Variants in NUP62 observed in about 807,000 individuals in gnomAD.
NUP62 encodes the protein nucleoporin 62, also known as nuclear pore glycoprotein p62.
For synonymous variants in NUP62, 305 were observed against 303.4 expected (o/e 1.01, Z -0.05); for missense variants, 647 against 689.4 (o/e 0.94, Z 0.69).
At chr19:49,911,012 T>C (rs1204580440) in intron 2 of NUP62, 1 of 152,212 alleles carries the variant, frequency 6.6e-6, no homozygotes, top group Non-Finnish European at 1.5e-5. Context: ...CAAGTGATCC[T>C]CCCACCTCAG....
At chr19:49,912,282 G>A (rs942803467) in intron 2 of NUP62, among the ~76,000 whole-genome samples, 4 of 149,482 alleles carry the variant, frequency 2.7e-5, no homozygotes, top group African/African-American at 9.9e-5. Context: ...CGATTCTCTC[G>A]CCTCAGCTTC....
At position 49,909,167 on chromosome 19, in the gene NUP62, A is replaced by G. The variant is rs562746496; in HGVS notation, c.641T>C (p.Ile214Thr). ...QPAAPTPTAT[I>T]TSTGPSLFAS... Reference sequence around the variant, plus strand: ...AAAGAGGCTGGGCCCAGTGCTGGTGATGGTGGCTGTGGGTGTGGGAGCAGC... The same window carrying G: ...AAAGAGGCTGGGCCCAGTGCTGGTGGTGGTGGCTGTGGGTGTGGGAGCAGC... Residue 214 changes from isoleucine to threonine, a missense_variant, in exon 3 of 3, where the codon ATC (isoleucine) becomes ACC (threonine). By Grantham distance (89) the Ile-to-Thr change is moderately conservative. Coordinates refer to ENST00000352066, the MANE Select transcript of NUP62 (RefSeq NM_016553.5). 19 of 1,613,514 alleles carry G rather than the reference A, an allele frequency of 1.2e-5. No individual in the cohort carries two copies. In the African/African-American group the frequency reaches 2.1e-4, roughly 18 times the overall value.
chr19:49,927,140 C>G (rs981891692), intron 2 of NUP62, among the ~76,000 whole-genome samples: 2 of 152,164 alleles, frequency 1.3e-5, no homozygotes, highest in Non-Finnish European at 2.9e-5. Context: ...GGACTACAGG[C>G]ATGAGCCACC....
Position 49,909,729 on chromosome 19 carries a change from T to C in NUP62, c.79A>G (p.Thr27Ala), listed in dbSNP as rs1005280127. 1 of 1,613,880 alleles carries C rather than the reference T, an allele frequency of 6.2e-7. No homozygotes were observed. Among genetic ancestry groups the C allele is most frequent in the Non-Finnish European group, 8.5e-7 (1 of 1,179,998 alleles). ...TFGTAKTATT[T>A]PATGFSFSTS... The stretch of plus-strand genomic sequence containing the variant: ...GAGAAAGAAAACCCTGTAGCAGGTG[T>C]GGTTGTTGCCGTCTTTGCAGTGCCA... The change falls in exon 3 of 3, where the codon ACA (threonine) becomes GCA (alanine). Residue 27 changes from threonine (T) to alanine (A), a missense_variant. By Grantham distance (58) the Thr-to-Ala change is moderately conservative. Coordinates refer to ENST00000352066, the MANE Select transcript of NUP62 (RefSeq NM_016553.5).
At chr19:49,915,462 C>A (rs1468240588) in intron 2 of NUP62, among the ~76,000 whole-genome samples, 2 of 152,188 alleles carry the variant, frequency 1.3e-5, no homozygotes, top group African/African-American at 4.8e-5. Context: ...CATAGCCTCT[C>A]CCCTAGAGTT....
At chr19:49,913,630 G>C (rs1021320413) in intron 2 of NUP62, among the ~76,000 whole-genome samples, 2 of 152,226 alleles carry the variant, frequency 1.3e-5, no homozygotes, top group Non-Finnish European at 2.9e-5. Context: ...CTGGAAGCTC[G>C]TGCCTGGTCT....
rs775526160 is a variant in NUP62 at position 49,908,573 on chromosome 19, T to C, written c.1235A>G (p.Glu412Gly). 11 of 1,614,056 alleles carry C rather than the reference T, an allele frequency of 6.8e-6. No individual in the cohort carries two copies. In the Admixed American group the frequency reaches 1.8e-4, roughly 27 times the overall value. The stretch of plus-strand genomic sequence containing the variant: ...GGTCCCGCTCTGCTCCTTGACCAAC[T>C]CCTCCAGTGGGCTCAGCAGGTCTTC... ...ELEDLLSPLE[E>G]LVKEQSGTIY... Residue 412 changes from glutamate to glycine, a missense_variant, in exon 3 of 3, where the codon GAG becomes GGG. Physicochemically the swap from Glu to Gly is moderately conservative, Grantham distance 98. Coordinates refer to ENST00000352066, the MANE Select transcript of NUP62 (RefSeq NM_016553.5).
Position 49,907,540 on chromosome 19 carries a change from T to TTC in NUP62, c.*698_*699insGA, listed in dbSNP as rs1280097884. On this transcript the variant is annotated 3_prime_UTR_variant, in exon 3 of 3. Transcript: ENST00000352066. ...GGCTGCTGTCTCCTGGGAGTTTCTT[T>TTC]TTTTTTTTTTTTTTTTTTGAGACAG... 2 of 138,220 alleles carry TTC rather than the reference T, an allele frequency of 1.4e-5. No individual in the cohort carries two copies. The highest frequency in any genetic ancestry group is 8.3e-5 in the African/African-American group (2 of 24,150). 8.6% of individuals were successfully genotyped at this position (138,220 alleles called of 1,614,324 possible). A position where few individuals can be genotyped will look rare whatever the true frequency, so the allele number is the denominator to read the frequency against.
intron 2 of NUP62, 101 bp from the exon 3 acceptor site, chr19:49,909,985 A>C (rs1600504473): frequency 1.4e-6 from 1 of 709,438 alleles, no homozygotes; most frequent in East Asian, 2.7e-5. Flanking sequence ...GGATGGGATA[A>C]TGATGCATGC....
At chr19:49,912,729 G>A (rs896200641) in intron 2 of NUP62, among the ~76,000 whole-genome samples, 1 of 152,170 alleles carries the variant, frequency 6.6e-6, no homozygotes, top group Non-Finnish European at 1.5e-5. Flanking sequence ...AGTTGGCCGT[G>A]GTGGCAGGCG....
intron 2 of NUP62, among the ~76,000 whole-genome samples, chr19:49,917,256 C>T (rs1600532294): frequency 6.6e-6 from 1 of 152,242 alleles, no homozygotes; most frequent in Non-Finnish European, 1.5e-5. Flanking sequence ...CCAACACTGC[C>T]TTCCCTCACT....
rs774669872 is a variant in NUP62, at chr19:49,908,629, G to A, written c.1179C>T (p.Leu393=). ...KLDQKRLDQE[L]DFILSQQKEL... ...CCTTCTGCTGGGACAGGATGAAGTC[G>A]AGCTCCTGGTCCAGCCTCTTCTGGT... is the stretch of plus-strand genomic sequence containing the variant. Residue 393 remains leucine (L), a synonymous_variant, in exon 3 of 3, where the codon CTC becomes CTT. Coordinates refer to ENST00000352066, the MANE Select transcript of NUP62 (RefSeq NM_016553.5). 1.9e-6 allele frequency: 3 copies of A among 1,613,282 alleles called. No homozygotes were observed. Among genetic ancestry groups the A allele is most frequent in the South Asian group, 2.2e-5 (2 of 91,086 alleles).
At chr19:49,912,486 T>G (rs1265089090) in intron 2 of NUP62, among the ~76,000 whole-genome samples, 2 of 152,100 alleles carry the variant, frequency 1.3e-5, no homozygotes, top group Non-Finnish European at 2.9e-5. Context: ...CACCATTTAT[T>G]AAGTGCCACA....
chr19:49,926,397 G>A (rs1013165329), intron 2 of NUP62, among the ~76,000 whole-genome samples: 1 of 152,076 alleles, frequency 6.6e-6, no homozygotes, highest in Non-Finnish European at 1.5e-5. Flanking sequence ...AGGCGTGGTG[G>A]TGGGCGCCTG....
chr19:49,929,320 G>C lies in NUP62; in HGVS notation c.-200+6C>G, dbSNP rs938243251. The C allele has an allele frequency of 6.4e-6, 1 of 155,156 alleles. No individual in the cohort carries two copies. Among genetic ancestry groups the C allele is most frequent in the Non-Finnish European group, 1.4e-5 (1 of 70,394 alleles). 9.6% of individuals were successfully genotyped at this position (155,156 alleles called of 1,614,324 possible). On this transcript the variant is annotated splice_donor_region_variant and intron_variant, in intron 1 of 2. Transcript: ENST00000352066. ...CTTTGTGCCCCCGGCCCGTCTCCGCGCTCACCACGCCTGCGCTCTCCGCTC... is the reference window on the plus strand; with the variant it reads ...CTTTGTGCCCCCGGCCCGTCTCCGCCCTCACCACGCCTGCGCTCTCCGCTC...
intron 1 of NUP62, 199 bp downstream of exon 1, chr19:49,929,127 G>A (rs1253618724): frequency 2.6e-5 from 4 of 151,904 alleles, no homozygotes; most frequent in Admixed American, 6.5e-5. Flanking sequence ...GCCGCGCGAG[G>A]GCGGGGCGCG....
At chr19:49,916,494 C>T (rs956477827) in intron 2 of NUP62, among the ~76,000 whole-genome samples, 21 of 151,414 alleles carry the variant, frequency 1.4e-4, no homozygotes, top group African/African-American at 1.9e-4. Flanking sequence ...AAAAATTAGG[C>T]CAGGCGCGGT....
At chr19:49,927,015 A>G (rs2075910711) in intron 2 of NUP62, among the ~76,000 whole-genome samples, 1 of 151,862 alleles carries the variant, frequency 6.6e-6, no homozygotes, top group African/African-American at 2.4e-5. Flanking sequence ...GCAAACCACC[A>G]CACCCGACTA....
chr19:49,909,960 G>T, intron 2 of NUP62, 76 bp from the exon 3 acceptor site: 1 of 774,698 alleles, frequency 1.3e-6, no homozygotes. Context: ...GGCACAGTCG[G>T]TTTGGAGGGT....
Sources: gnomAD v4.1 joint callset for allele counts (sites outside exome capture counted in the v4.1 genomes callset) on GRCh38, gnomAD v4.1.1 for gene constraint, MANE v1.5 for transcripts, NCBI Gene and HGNC (gene_info 2026-07-23, HGNC 2026-07-21) for gene names.